The following FBXL13 variants were observed in gnomAD, a reference collection of about 807,000 sequenced individuals.
The protein encoded by FBXL13 is F-box and leucine rich repeat protein 13, also known as F-box and leucine-rich repeat protein 13.
Under a neutral mutation model 83.6 loss-of-function variants are expected in FBXL13, and 67 were observed. The ratio of observed to expected loss-of-function variants is 0.80; its 90% CI spans 0.66 to 0.98. The LOEUF is 0.98. Among genes scored for constraint, FBXL13 ranks in the 50% least tolerant of loss-of-function variants. The probability of loss-of-function intolerance (pLI) is 0.00; values close to 1 mark genes in which losing one functional copy is unlikely to be tolerated. For missense variants in FBXL13, 822 were observed against 866.5 expected (o/e 0.95, Z 0.64); for synonymous variants, 272 against 299.5 (o/e 0.91, Z 0.95).
At chr7:102,925,752 A>C (rs1173035706) in intron 10 of FBXL13, among the ~76,000 whole-genome samples, 1 of 151,820 alleles carries the variant, frequency 6.6e-6, no homozygotes, top group Non-Finnish European at 1.5e-5. Flanking sequence ...GACCAGCCTG[A>C]CCAACATGGA....
At chr7:102,840,849 C>T (rs999207752) in intron 17 of FBXL13, among the ~76,000 whole-genome samples, 2 of 152,052 alleles carry the variant, frequency 1.3e-5, no homozygotes, top group Admixed American at 6.6e-5. Context: ...ATCTCATAGG[C>T]CTATTAGAAG....
chr7:103,066,357 G>A (rs1798387147), intron 1 of FBXL13, among the ~76,000 whole-genome samples: 1 of 151,584 alleles, frequency 6.6e-6, no homozygotes, highest in East Asian at 1.9e-4. Flanking sequence ...CTTGTCCTAA[G>A]AAACCTTATA....
intron 6 of FBXL13, among the ~76,000 whole-genome samples, chr7:103,009,208 T>C (rs1791319926): frequency 6.6e-6 from 1 of 150,668 alleles, no homozygotes; most frequent in African/African-American, 2.4e-5. Flanking sequence ...AAAAGACAAA[T>C]AGGTGAGGGG....
At chr7:102,862,518 T>G (rs1459765082) in intron 16 of FBXL13, among the ~76,000 whole-genome samples, 1 of 152,180 alleles carries the variant, frequency 6.6e-6, no homozygotes, top group Non-Finnish European at 1.5e-5. Flanking sequence ...ATATAAAATA[T>G]TTACACTAGG....
In FBXL13 at chr7:102,877,441, C is replaced by A. The variant is rs1809414529; in HGVS notation, c.1635+26G>T. On this transcript the variant is annotated intron_variant, in intron 16 of 19. Transcript: ENST00000313221. ...TTGTATTATAGAAAACAATAAAAGTCATTGTACTGTTTTGAATTTTTTTAC... is the reference window on the plus strand; with the variant it reads ...TTGTATTATAGAAAACAATAAAAGTAATTGTACTGTTTTGAATTTTTTTAC... 2.0e-6 allele frequency: 3 copies of A among 1,526,986 alleles called. No homozygotes were observed. The South Asian group carries it at 3.8e-5, about 19-fold the overall frequency. The allele number at this position is 1,526,986 out of a possible 1,614,324, so 94.6% of individuals were successfully genotyped here. A position where few individuals can be genotyped will look rare whatever the true frequency, so the allele number is the denominator to read the frequency against.
At chr7:102,873,527 T>C (rs774802147) in intron 16 of FBXL13, among the ~76,000 whole-genome samples, 5 of 152,256 alleles carry the variant, frequency 3.3e-5, no homozygotes, top group African/African-American at 9.6e-5. Context: ...TTCACCTGGA[T>C]GACTACTTGA....
At chr7:102,880,860 C>T (rs1809948753) in intron 14 of FBXL13, among the ~76,000 whole-genome samples, 1 of 152,198 alleles carries the variant, frequency 6.6e-6, no homozygotes, top group Non-Finnish European at 1.5e-5. Flanking sequence ...TGCCTCCCTA[C>T]TTTGAGTCTT....
chr7:102,969,476 A>C (rs1302769414), intron 6 of FBXL13, among the ~76,000 whole-genome samples: 1 of 151,918 alleles, frequency 6.6e-6, no homozygotes, highest in African/African-American at 2.4e-5. Flanking sequence ...CTGTAATTGA[A>C]ACTGAGTCAG....
chr7:103,054,968 C>T (rs949466454), intron 2 of FBXL13, 120 bp downstream of exon 3: 16 of 461,912 alleles, frequency 3.5e-5, no homozygotes, highest in East Asian at 2.2e-4. Context: ...TCACTTTTCT[C>T]GGTGCCCCCA....
At chr7:102,848,232 GA>G (rs1162934081) in intron 17 of FBXL13, among the ~76,000 whole-genome samples, 1 of 152,110 alleles carries the variant, frequency 6.6e-6, no homozygotes, top group Non-Finnish European at 1.5e-5. Flanking sequence ...CTAGCTGCAA[GA>G]TTTTCATTTA....
chr7:102,929,663 C>CAAA (rs35025022), intron 9 of FBXL13, among the ~76,000 whole-genome samples: 162 of 91,162 alleles, frequency 1.8e-3, no homozygotes, highest in African/African-American at 6.3e-3. Context: ...GACTCCATCT[C>CAAA]AAAAAAAAAA....
rs542795553 is a variant in FBXL13 at position 103,011,826 on chromosome 7, C to A, written c.495+13237G>T. Among the ~76,000 whole-genome samples the A allele has an allele frequency of 3.9e-5, 6 of 152,038 alleles. No homozygotes were observed. The East Asian group carries it at 1.2e-3, about 29-fold the overall frequency. On this transcript the variant is annotated intron_variant, in intron 6 of 19. Transcript: ENST00000313221. ...AAACAATAAAGGAGAATGAACAAAA[C>A]CTCCAAGAAATATGGGATTATGTAA...
intron 11 of FBXL13, among the ~76,000 whole-genome samples, chr7:102,887,027 T>C (rs945952116): frequency 1.3e-5 from 2 of 152,218 alleles, no homozygotes; most frequent in Non-Finnish European, 2.9e-5. Context: ...TTGGGAAATA[T>C]GTTTCTAAAG....
chr7:103,000,947 T>A lies in FBXL13; in HGVS notation c.495+24116A>T, dbSNP rs545930078. On this transcript the variant is annotated intron_variant, in intron 6 of 19. Coordinates refer to ENST00000313221, the Ensembl canonical transcript of FBXL13. ...TCCAATTACGTGAAATATTGTTTTG[T>A]CGTTGCTGTTGTTTTTGGACAGGGT... 5.9e-5 allele frequency among the ~76,000 whole-genome samples: 9 copies of A among 152,202 alleles called. No homozygotes were observed. In the South Asian group the frequency reaches 1.9e-3, roughly 32 times the overall value.
chr7:102,861,825 T>C (rs955300571), intron 16 of FBXL13, among the ~76,000 whole-genome samples: 1 of 151,022 alleles, frequency 6.6e-6, no homozygotes. Context: ...CTACTAAAAA[T>C]ACAAAAATTA....
At chr7:102,995,685 T>C (rs1023699499) in intron 6 of FBXL13, among the ~76,000 whole-genome samples, 1 of 144,482 alleles carries the variant, frequency 6.9e-6, no homozygotes, top group African/African-American at 2.6e-5. Flanking sequence ...TACTTGGGAG[T>C]CTGAGGCAGG....
In FBXL13 at chr7:102,901,666, T is replaced by A. The variant is rs193215375; in HGVS notation, c.1008+11420A>T. On this transcript the variant is annotated intron_variant, in intron 11 of 19. Coordinates refer to ENST00000313221, the Ensembl canonical transcript of FBXL13. ...AATAAGTGAGAATATGCAATTTTTT[T>A]AAATACATCTCACAAATAAGTGATG... is the stretch of plus-strand genomic sequence containing the variant. 3.1e-3 allele frequency among the ~76,000 whole-genome samples: 473 copies of A among 152,326 alleles called. 9 individuals are homozygous for A. Among genetic ancestry groups the A allele is most frequent in the Admixed American group, 0.025 (389 of 15,288 alleles).
At chr7:102,815,819 G>C (rs1385538604) in intron 19 of FBXL13, among the ~76,000 whole-genome samples, 1 of 152,054 alleles carries the variant, frequency 6.6e-6, no homozygotes, top group Non-Finnish European at 1.5e-5. Context: ...TCCTATGGTT[G>C]CTCAGTCAGC....
At chr7:102,947,974 T>C (rs1337061916) in intron 8 of FBXL13, among the ~76,000 whole-genome samples, 1 of 152,166 alleles carries the variant, frequency 6.6e-6, no homozygotes, top group Non-Finnish European at 1.5e-5. Flanking sequence ...CTCTGGAGCC[T>C]ATGCCCTGGA....
Sources: gnomAD v4.1 joint callset for allele counts (sites outside exome capture counted in the v4.1 genomes callset) on GRCh38, gnomAD v4.1.1 for gene constraint, MANE v1.5 for transcripts, NCBI Gene and HGNC (gene_info 2026-07-23, HGNC 2026-07-21) for gene names.